The following MAST4 variants were observed in gnomAD, a reference collection of about 807,000 sequenced individuals.
MAST4 encodes the protein microtubule associated serine/threonine kinase family member 4.
MAST4 carries 89 observed loss-of-function variants against 162.7 expected under a neutral mutation model. That is an observed-to-expected ratio of 0.55 (90% CI 0.46 to 0.65). The LOEUF (loss-of-function observed/expected upper bound fraction) is 0.65. Ranked by LOEUF, MAST4 falls within the 30% of genes least tolerant of loss-of-function variation. The probability of loss-of-function intolerance (pLI) is 0.00; values close to 1 mark genes in which losing one functional copy is unlikely to be tolerated. For synonymous variants in MAST4, 1,479 were observed against 1,361.1 expected (o/e 1.09, Z -1.91); for missense variants, 3,153 against 3,374.0 (o/e 0.93, Z 1.62).
At chr5:66,713,210 G>C (rs968847764) in intron 1 of MAST4, among the ~76,000 whole-genome samples, 2 of 152,058 alleles carry the variant, frequency 1.3e-5, no homozygotes, top group Non-Finnish European at 2.9e-5. Context: ...GTACCATATA[G>C]AGGTCAAGAT....
At chr5:66,642,298 A>G (rs956051565) in intron 1 of MAST4, among the ~76,000 whole-genome samples, 1 of 152,220 alleles carries the variant, frequency 6.6e-6, no homozygotes, top group African/African-American at 2.4e-5. Flanking sequence ...AGGACAAATT[A>G]TAGAGTTTCT....
intron 4 of MAST4, among the ~76,000 whole-genome samples, chr5:66,903,138 A>G (rs1300088670): frequency 6.6e-6 from 1 of 152,178 alleles, no homozygotes; most frequent in Non-Finnish European, 1.5e-5. Context: ...AGGCATTTAC[A>G]GTAAAGGTGT....
At chr5:66,987,055 G>C (rs963987467) in intron 4 of MAST4, among the ~76,000 whole-genome samples, 1 of 152,014 alleles carries the variant, frequency 6.6e-6, no homozygotes, top group East Asian at 1.9e-4. Flanking sequence ...CTTCCTCAAT[G>C]CTTGTATATT....
chr5:66,733,365 G>A (rs185206921), intron 1 of MAST4, among the ~76,000 whole-genome samples: 2 of 151,800 alleles, frequency 1.3e-5, no homozygotes, highest in East Asian at 3.9e-4. Flanking sequence ...TACAAATATG[G>A]TTTCCTTTCT....
At chr5:66,765,380 A>G (rs1754048076) in intron 2 of MAST4, among the ~76,000 whole-genome samples, 1 of 152,194 alleles carries the variant, frequency 6.6e-6, no homozygotes, top group Admixed American at 6.5e-5. Flanking sequence ...ATCCTCCTGT[A>G]AGCTTTAAAT....
chr5:67,098,926 G>A (rs1287707255), intron 7 of MAST4, among the ~76,000 whole-genome samples: 1 of 152,132 alleles, frequency 6.6e-6, no homozygotes, highest in Non-Finnish European at 1.5e-5. Flanking sequence ...TTCATACTAA[G>A]TAGATTAAAT....
intron 4 of MAST4, among the ~76,000 whole-genome samples, chr5:66,901,777 A>G (rs1217125827): frequency 6.6e-6 from 1 of 152,144 alleles, no homozygotes; most frequent in Non-Finnish European, 1.5e-5. Context: ...TGTATTTTCT[A>G]TTAAGCACAA....
intron 3 of MAST4, among the ~76,000 whole-genome samples, chr5:66,885,305 T>A (rs1396675898): frequency 6.6e-6 from 1 of 152,174 alleles, no homozygotes; most frequent in East Asian, 1.9e-4. Flanking sequence ...TACTTTGAAG[T>A]GGAAAATTCA....
At chr5:66,789,881 C>G (rs2149677094) in intron 3 of MAST4, 1 of 435,998 alleles carries the variant, frequency 2.3e-6, no homozygotes, top group Admixed American at 2.4e-5. Flanking sequence ...GTGATTTTTC[C>G]AACTTCAGCA....
intron 4 of MAST4, 48 bp from the exon 5 acceptor site, chr5:67,054,356 T>C (rs372874855): frequency 4.1e-6 from 6 of 1,479,814 alleles, no homozygotes; most frequent in Non-Finnish European, 5.5e-6. Flanking sequence ...TTGAACATTA[T>C]TGATGCTATA....
chr5:66,706,931 A>C (rs988648127), intron 1 of MAST4, among the ~76,000 whole-genome samples: 1 of 152,204 alleles, frequency 6.6e-6, no homozygotes, highest in Non-Finnish European at 1.5e-5. Flanking sequence ...GATGTGTGTC[A>C]GATTTGTAGT....
chr5:67,134,104 C>CA (rs1769331872), intron 17 of MAST4, among the ~76,000 whole-genome samples: 1 of 152,074 alleles, frequency 6.6e-6, no homozygotes, highest in African/African-American at 2.4e-5. Context: ...TCTCAACTGT[C>CA]ATTGCTTTTA....
chr5:66,817,960 G>A (rs76977428), intron 3 of MAST4, among the ~76,000 whole-genome samples: 3 of 152,208 alleles, frequency 2.0e-5, no homozygotes, highest in Admixed American at 6.5e-5. Context: ...ACTTCCAGAA[G>A]GATCAAACTT....
chr5:67,137,749 G>A lies in MAST4; in HGVS notation c.2494+1085G>A, dbSNP rs118019114. On this transcript the variant is annotated intron_variant, in intron 19 of 28. Transcript: ENST00000403625. ...CAGATTTGTCCCACAGCCTGGTATG[G>A]TAAATAAAGCGTTACTGAAACACCT... 3.2e-4 allele frequency among the ~76,000 whole-genome samples: 49 copies of A among 152,298 alleles called. No individual in the cohort carries two copies. In the East Asian group the frequency reaches 8.7e-3, roughly 27 times the overall value.
chr5:66,880,769 A>G (rs1441352099), intron 3 of MAST4, among the ~76,000 whole-genome samples: 2 of 152,258 alleles, frequency 1.3e-5, no homozygotes, highest in Admixed American at 6.5e-5. Flanking sequence ...TGTATAAGGT[A>G]TGATAGAAAC....
At chr5:66,821,773 A>G (rs1259382047) in intron 3 of MAST4, among the ~76,000 whole-genome samples, 1 of 152,106 alleles carries the variant, frequency 6.6e-6, no homozygotes, top group Non-Finnish European at 1.5e-5. Flanking sequence ...GGCTGCTGGG[A>G]AACCTCGGTG....
chr5:66,614,490 G>A (rs535532374), intron 1 of MAST4, among the ~76,000 whole-genome samples: 3 of 152,252 alleles, frequency 2.0e-5, no homozygotes, highest in African/African-American at 7.2e-5. Context: ...GAGTTTATTG[G>A]CCCTTATTGA....
chr5:67,036,937 T>G (rs1756090204), intron 4 of MAST4, among the ~76,000 whole-genome samples: 1 of 152,188 alleles, frequency 6.6e-6, no homozygotes, highest in Non-Finnish European at 1.5e-5. Context: ...AGAAAGAGAC[T>G]AATCATTTGT....
At chr5:67,113,551 G>T (rs992904409) in intron 11 of MAST4, among the ~76,000 whole-genome samples, 1 of 152,108 alleles carries the variant, frequency 6.6e-6, no homozygotes, top group Non-Finnish European at 1.5e-5. Context: ...GTGAATAGTA[G>T]TAACTTAATA....
Sources: allele counts gnomAD v4.1 joint callset (sites outside exome capture counted in the v4.1 genomes callset), GRCh38; gene constraint gnomAD v4.1.1; transcripts MANE v1.5; gene names NCBI Gene and HGNC (gene_info 2026-07-23, HGNC 2026-07-21).